The following TAOK1 variants were observed in gnomAD, a reference collection of about 807,000 sequenced individuals.
The protein encoded by TAOK1 is TAO kinase 1, also known as serine/threonine-protein kinase TAO1.
A neutral mutation model predicts 138.3 loss-of-function variants in TAOK1; 21 were observed. That is an observed-to-expected ratio of 0.15 (90% CI 0.11 to 0.22). The LOEUF (loss-of-function observed/expected upper bound fraction) is 0.22, where lower values mean the gene tolerates loss of function less well. Among genes scored for constraint, TAOK1 ranks in the 10% least tolerant of loss-of-function variants. The pLI is 1.00. For missense variants in TAOK1, 651 were observed against 1,227.7 expected (o/e 0.53, Z 7.02); for synonymous variants, 361 against 398.4 (o/e 0.91, Z 1.12).
intron 1 of TAOK1, among the ~76,000 whole-genome samples, chr17:29,391,463 C>CT (rs1195399621): frequency 2.6e-5 from 4 of 152,134 alleles, no homozygotes; most frequent in Non-Finnish European, 4.4e-5. Context: ...CTATACCCCT[C>CT]TTCTGTAGGG....
intron 1 of TAOK1, among the ~76,000 whole-genome samples, chr17:29,444,283 A>C (rs1354762541): frequency 1.3e-5 from 2 of 152,208 alleles, no homozygotes; most frequent in Non-Finnish European, 2.9e-5. Flanking sequence ...GACAGCTATT[A>C]AAAATGAACA....
chr17:29,481,079 T>C (rs1048080139), intron 7 of TAOK1, among the ~76,000 whole-genome samples: 3 of 152,076 alleles, frequency 2.0e-5, no homozygotes, highest in Middle Eastern at 3.2e-3. Context: ...TATTCAGTCT[T>C]GGTTATTGTG....
At chr17:29,453,890 C>T in intron 2 of TAOK1, among the ~76,000 whole-genome samples, 1 of 151,656 alleles carries the variant, frequency 6.6e-6, no homozygotes, top group Non-Finnish European at 1.5e-5. Context: ...TCACTACGTC[C>T]TCAGCCTCCG....
chr17:29,472,019 C>A (rs1196368589), intron 3 of TAOK1, among the ~76,000 whole-genome samples: 1 of 152,154 alleles, frequency 6.6e-6, no homozygotes, highest in African/African-American at 2.4e-5. Flanking sequence ...AGTTTTCCTG[C>A]TGTTTCCACC....
chr17:29,424,257 A>T (rs1340567896), intron 1 of TAOK1, among the ~76,000 whole-genome samples: 1 of 151,376 alleles, frequency 6.6e-6, no homozygotes, highest in African/African-American at 2.4e-5. Flanking sequence ...TAACACGGTG[A>T]AACCTCGTCT....
At chr17:29,504,201 CAA>C (rs2031583347) in intron 13 of TAOK1, among the ~76,000 whole-genome samples, 1 of 133,904 alleles carries the variant, frequency 7.5e-6, no homozygotes, top group Non-Finnish European at 1.5e-5. Flanking sequence ...TGACTGAGCC[CAA>C]GAGATGGAGG....
intron 1 of TAOK1, among the ~76,000 whole-genome samples, chr17:29,404,802 G>A (rs1045654092): frequency 2.2e-4 from 34 of 151,988 alleles, no homozygotes; most frequent in African/African-American, 7.0e-4. Flanking sequence ...TAAATAAATA[G>A]GTAAGTAAAA....
intron 1 of TAOK1, among the ~76,000 whole-genome samples, chr17:29,431,069 T>C (rs1182989250): frequency 5.9e-5 from 9 of 152,208 alleles, no homozygotes; most frequent in African/African-American, 2.2e-4. Context: ...TTCTAGAATC[T>C]GTGTGTTTCC....
chr17:29,502,467 T>A lies in TAOK1; in HGVS notation c.1204-122T>A, dbSNP rs1271975368. On this transcript the variant is annotated intron_variant, in intron 12 of 19. Coordinates refer to ENST00000261716, the MANE Select transcript of TAOK1 (RefSeq NM_020791.4). ...AAGACCAGCATTTCTACTTTTTGGC[T>A]TTGCTTTTTAAAATTATGTCTTTGA... is the stretch of plus-strand genomic sequence containing the variant. 3 of 1,157,574 alleles carry A rather than the reference T, an allele frequency of 2.6e-6. No individual in the cohort carries two copies. The African/African-American group carries it at 4.7e-5, about 18-fold the overall frequency. 71.7% of individuals were successfully genotyped at this position (1,157,574 alleles called of 1,614,324 possible).
rs1904684757 is a variant in TAOK1, at chr17:29,397,680, T to TATACATGTATATTCATGTATG, written c.-95+6657_-95+6677dup. ...TTCATGTATGATACATGTATACATG[T>TATACATGTATATTCATGTATG]ATACATGTATATTCATGTATGCATA... is the stretch of plus-strand genomic sequence containing the variant. On this transcript the variant is annotated intron_variant, in intron 1 of 19. Transcript: ENST00000261716. 5.6e-5 allele frequency among the ~76,000 whole-genome samples: 8 copies of TATACATGTATATTCATGTATG among 143,754 alleles called. No homozygotes were observed. In the Admixed American group the frequency reaches 6.0e-4, roughly 11 times the overall value. 94.3% of individuals were successfully genotyped at this position (143,754 alleles called of 152,430 possible).
chr17:29,551,009 A>G lies in TAOK1; in HGVS notation c.*7987A>G, dbSNP rs1019852813. 2 of 124,646 alleles carry G rather than the reference A, an allele frequency of 1.6e-5. No homozygotes were observed. The highest frequency in any genetic ancestry group is 3.9e-5 in the Non-Finnish European group (2 of 51,106). The allele number at this position is 124,646 out of a possible 1,614,324, so 7.7% of individuals were successfully genotyped here. A position where few individuals can be genotyped will look rare whatever the true frequency, so the allele number is the denominator to read the frequency against. ...CAGTCAATTGCTTTTTTATTTAAAA[A>G]AAAAAAGAAAAAAAGCTGTAACCTT... On this transcript the variant is annotated 3_prime_UTR_variant, in exon 20 of 20. Coordinates refer to ENST00000261716, the MANE Select transcript of TAOK1 (RefSeq NM_020791.4).
chr17:29,546,172 T>C lies in TAOK1; in HGVS notation c.*3150T>C, dbSNP rs1218584099. ...ATATTTTCAGAGCTGCAATTCTTAT[T>C]CGCCATTTCAATACCTAGAGATAGA... On this transcript the variant is annotated 3_prime_UTR_variant, in exon 20 of 20. Coordinates refer to ENST00000261716, the MANE Select transcript of TAOK1 (RefSeq NM_020791.4). 1.3e-5 allele frequency: 2 copies of C among 152,126 alleles called. No homozygotes were observed. The highest frequency in any genetic ancestry group is 1.3e-4 in the Admixed American group (2 of 15,262). 9.4% of individuals were successfully genotyped at this position (152,126 alleles called of 1,614,324 possible). A position where few individuals can be genotyped will look rare whatever the true frequency, so the allele number is the denominator to read the frequency against.
chr17:29,414,809 T>G (rs1022098997), intron 1 of TAOK1, among the ~76,000 whole-genome samples: 5 of 152,150 alleles, frequency 3.3e-5, no homozygotes, highest in Admixed American at 6.6e-5. Context: ...TCCGCCCGCC[T>G]TGGCCTCCCA....
intron 1 of TAOK1, among the ~76,000 whole-genome samples, chr17:29,395,190 G>A (rs1439131056): frequency 6.6e-6 from 1 of 152,174 alleles, no homozygotes; most frequent in East Asian, 1.9e-4. Flanking sequence ...GCTGCAGTGA[G>A]TTGTGATCAT....
chr17:29,434,064 G>A (rs926999757), intron 1 of TAOK1, among the ~76,000 whole-genome samples: 30 of 152,266 alleles, frequency 2.0e-4, no homozygotes, highest in African/African-American at 7.2e-4. Flanking sequence ...AACGAAACAA[G>A]GGGCGGGGTA....
chr17:29,549,219 C>T lies in TAOK1; in HGVS notation c.*6197C>T, dbSNP rs1191128563. 6.6e-6 allele frequency: 1 copy of T among 152,112 alleles called. No homozygotes were observed. The highest frequency in any genetic ancestry group is 1.5e-5 in the Non-Finnish European group (1 of 68,002). 9.4% of individuals were successfully genotyped at this position (152,112 alleles called of 1,614,324 possible). ...AGTTACATATGTTCTTTTGTCATTA[C>T]CCAATTTAACCTCCCTTTCTCTGAT... On this transcript the variant is annotated 3_prime_UTR_variant, in exon 20 of 20. Coordinates refer to ENST00000261716, the MANE Select transcript of TAOK1 (RefSeq NM_020791.4).
Position 29,550,900 on chromosome 17 carries a change from TCA to T in TAOK1, c.*7880_*7881del. ...ACTAACTCCTTCCTTAAAGGCCATA[TCA>T]CTCCATTTGCATTATTTGTGCAAAT... is the stretch of plus-strand genomic sequence containing the variant. On this transcript the variant is annotated 3_prime_UTR_variant, in exon 20 of 20. Transcript: ENST00000261716. 1 of 152,718 alleles carries T rather than the reference TCA, an allele frequency of 6.5e-6. No homozygotes were observed. The highest frequency in any genetic ancestry group is 2.4e-5 in the African/African-American group (1 of 41,556). The allele number at this position is 152,718 out of a possible 1,614,324, so 9.5% of individuals were successfully genotyped here. A position where few individuals can be genotyped will look rare whatever the true frequency, so the allele number is the denominator to read the frequency against.
intron 2 of TAOK1, among the ~76,000 whole-genome samples, chr17:29,466,284 C>G (rs1341707950): frequency 6.6e-6 from 1 of 152,090 alleles, no homozygotes; most frequent in African/African-American, 2.4e-5. Flanking sequence ...GCTGGGATTA[C>G]AGGCGTGCAC....
At chr17:29,516,076 C>G (rs1408913665) in intron 15 of TAOK1, among the ~76,000 whole-genome samples, 1 of 151,348 alleles carries the variant, frequency 6.6e-6, no homozygotes, top group Non-Finnish European at 1.5e-5. Context: ...ATTCTCCTGC[C>G]TCAGCCTCCC....
Sources: allele counts gnomAD v4.1 joint callset (sites outside exome capture counted in the v4.1 genomes callset), GRCh38; gene constraint gnomAD v4.1.1; transcripts MANE v1.5; gene names NCBI Gene and HGNC (gene_info 2026-07-23, HGNC 2026-07-21).